The following CLASP2 variants were observed in gnomAD, a reference collection of about 807,000 sequenced individuals.
CLASP2 encodes CLIP-associating protein 2.
In CLASP2, 47 loss-of-function variants were observed where a neutral mutation model predicts 194.4. That is an observed-to-expected ratio of 0.24 (90% CI 0.19 to 0.31). CLASP2 has a LOEUF of 0.31. Among genes scored for constraint, CLASP2 ranks in the 10% least tolerant of loss-of-function variants. The pLI is 1.00. For missense variants in CLASP2, 1,445 were observed against 1,823.6 expected, an observed-to-expected ratio of 0.79 and a Z score of 3.78; for synonymous variants, 619 against 633.5, an observed-to-expected ratio of 0.98 and a Z score of 0.34.
chr3:33,641,473 C>G (rs1456272377), intron 8 of CLASP2, among the ~76,000 whole-genome samples: 4 of 151,746 alleles, frequency 2.6e-5, no homozygotes, highest in African/African-American at 9.7e-5. Context: ...ACTGTATGAA[C>G]CTAGCCATAG....
chr3:33,559,874 A>ACAAGAGTGAAACTC (rs1439196305), intron 28 of CLASP2, among the ~76,000 whole-genome samples: 2 of 152,236 alleles, frequency 1.3e-5, no homozygotes, highest in Non-Finnish European at 2.9e-5. Context: ...AGCATGGGCA[A>ACAAGAGTGAAACTC]CAAGAGTGAA....
intron 2 of CLASP2, among the ~76,000 whole-genome samples, chr3:33,690,338 C>T (rs939709154): frequency 3.3e-5 from 5 of 152,044 alleles, no homozygotes; most frequent in African/African-American, 1.2e-4. Context: ...AGGTGTGTGA[C>T]CAAATGTCTA....
chr3:33,531,936 G>GGT (rs2056413078), intron 34 of CLASP2, among the ~76,000 whole-genome samples: 1 of 152,046 alleles, frequency 6.6e-6, no homozygotes, highest in East Asian at 1.9e-4. Context: ...GAAGTAAAAT[G>GGT]GTATACCTGC....
chr3:33,560,738 CTA>C, intron 28 of CLASP2, 68 bp downstream of exon 28: 1 of 1,368,532 alleles, frequency 7.3e-7, no homozygotes, highest in South Asian at 1.3e-5. Flanking sequence ...GAAATCTGAA[CTA>C]TTAACACAGG....
intron 9 of CLASP2, among the ~76,000 whole-genome samples, chr3:33,631,675 C>T (rs1296810604): frequency 1.4e-5 from 2 of 141,670 alleles, no homozygotes; most frequent in African/African-American, 2.6e-5. Context: ...CCAGTCTGGG[C>T]AACAGAGCTA....
chr3:33,558,583 A>C (rs756649595), intron 29 of CLASP2: 2 of 152,096 alleles, frequency 1.3e-5, no homozygotes, highest in Admixed American at 6.6e-5. Context: ...AAATTTAATA[A>C]TCACTTTAAA....
At chr3:33,554,136 G>A (rs1055864603) in intron 29 of CLASP2, among the ~76,000 whole-genome samples, 2 of 151,270 alleles carry the variant, frequency 1.3e-5, no homozygotes, top group Admixed American at 1.3e-4. Context: ...GCTGAAGCAG[G>A]AGAATCGCTT....
chr3:33,560,876 T>C lies in CLASP2; in HGVS notation c.2862A>G (p.Leu954=), dbSNP rs1191384387. The C allele has an allele frequency of 1.2e-6, 2 of 1,613,892 alleles. No homozygotes were observed. The highest frequency in any genetic ancestry group is 1.7e-5 in the Admixed American group (1 of 59,998). Residue 954 remains leucine (L), a synonymous_variant, in exon 28 of 39, where the codon CTA becomes CTG. Coordinates refer to ENST00000682230, the MANE Select transcript of CLASP2 (RefSeq NM_001365631.1). ...CAAGCAAATCAGCACCCATTTTTTT[T>C]AGTAGTTGTGTCAGCAGTACAAACA... ...DWLFVLLTQL[L]KKMGADLLGS... is the part of the protein sequence containing the mutation.
Position 33,644,864 on chromosome 3 carries a change from C to A in CLASP2, c.755G>T (p.Arg252Met). 1 of 1,607,300 alleles carries A rather than the reference C, an allele frequency of 6.2e-7. No homozygotes were observed. Among genetic ancestry groups the A allele is most frequent in the Non-Finnish European group, 8.5e-7 (1 of 1,176,454 alleles). The change falls in exon 8 of 39, where the codon AGG becomes ATG. Residue 252 changes from arginine to methionine, a missense_variant. Transcript: ENST00000682230. ...GAAGGCTGATGCAGCTGATGATGGC[C>A]TATTTCCATCCACTGATTCTTCATC... ...FDDEESVDGNRPSSAASAFKV... is the reference protein window; with the variant it reads ...FDDEESVDGNMPSSAASAFKV...
chr3:33,628,759 G>A (rs2078513834), intron 9 of CLASP2, among the ~76,000 whole-genome samples: 1 of 152,046 alleles, frequency 6.6e-6, no homozygotes, highest in Admixed American at 6.6e-5. Context: ...CGTGGGAACT[G>A]AAGCCAGGGG....
chr3:33,625,637 T>C (rs534002431), intron 10 of CLASP2, among the ~76,000 whole-genome samples: 1 of 151,738 alleles, frequency 6.6e-6, no homozygotes, highest in East Asian at 1.9e-4. Context: ...TAAATACATA[T>C]AACACAGAAA....
intron 10 of CLASP2, among the ~76,000 whole-genome samples, chr3:33,622,859 A>G (rs531586419): frequency 1.3e-5 from 2 of 151,248 alleles, no homozygotes; most frequent in African/African-American, 4.9e-5. Flanking sequence ...CCAGGCTGGA[A>G]TGCAGTGGTG....
intron 27 of CLASP2, among the ~76,000 whole-genome samples, chr3:33,562,624 A>G (rs1220379951): frequency 5.3e-5 from 8 of 152,170 alleles, no homozygotes; most frequent in Non-Finnish European, 1.2e-4. Context: ...CCTCTCCCCC[A>G]AAGCTCATTT....
At chr3:33,587,005 G>A (rs942765469) in intron 21 of CLASP2, among the ~76,000 whole-genome samples, 6 of 152,092 alleles carry the variant, frequency 3.9e-5, no homozygotes, top group African/African-American at 1.4e-4. Flanking sequence ...TAGGTCTTGG[G>A]ATTTTTCAAA....
chr3:33,668,124 C>G (rs2086529411), intron 6 of CLASP2, among the ~76,000 whole-genome samples: 1 of 152,232 alleles, frequency 6.6e-6, no homozygotes, highest in South Asian at 2.1e-4. Context: ...GAGGCTGAGG[C>G]AAGAGAATCG....
At chr3:33,673,602 T>G (rs1406202865) in intron 6 of CLASP2, among the ~76,000 whole-genome samples, 5 of 152,102 alleles carry the variant, frequency 3.3e-5, no homozygotes, top group African/African-American at 7.2e-5. Flanking sequence ...ATATTAACTT[T>G]AAATGTAAAT....
At chr3:33,622,050 G>T in intron 11 of CLASP2, 85 bp downstream of exon 11, 2 of 995,730 alleles carry the variant, frequency 2.0e-6, no homozygotes, top group African/African-American at 1.7e-5. Context: ...TAGCTATCTT[G>T]CTACTGCTTG....
chr3:33,529,737 T>C (rs1256134865), intron 34 of CLASP2, among the ~76,000 whole-genome samples: 1 of 151,736 alleles, frequency 6.6e-6, no homozygotes, highest in African/African-American at 2.4e-5. Flanking sequence ...ATCCCAGCAC[T>C]TTGGGAGGCC....
At position 33,584,840 on chromosome 3, in the gene CLASP2, G is replaced by T. The variant is rs767546200; in HGVS notation, c.2149C>A (p.Leu717Met). The T allele has an allele frequency of 5.6e-6, 9 of 1,613,846 alleles. No homozygotes were observed. Among genetic ancestry groups the T allele is most frequent in the South Asian group, 2.2e-5 (2 of 91,078 alleles). ...TTTTGTGCTGAGGCTGAATTGACCAGGACTCTTTGAACACCAGAGCTCACA... is the reference window on the plus strand; with the variant it reads ...TTTTGTGCTGAGGCTGAATTGACCATGACTCTTTGAACACCAGAGCTCACA... The part of the protein sequence containing the change: ...STVSSGVQRV[L>M]VNSASAQKRS... The change falls in exon 22 of 39, where the codon CTG (leucine) becomes ATG (methionine). Residue 717 changes from leucine (L) to methionine (M), a missense_variant. Transcript: ENST00000682230.
Sources: allele counts gnomAD v4.1 joint callset (sites outside exome capture counted in the v4.1 genomes callset), GRCh38; gene constraint gnomAD v4.1.1; transcripts MANE v1.5; gene names NCBI Gene and HGNC (gene_info 2026-07-23, HGNC 2026-07-21).